Variants in CYP27C1 observed in about 807,000 individuals in gnomAD.
CYP27C1 encodes the protein cytochrome P450 family 27 subfamily C member 1, also known as cytochrome P450 27C1.
In CYP27C1, 29 loss-of-function variants were observed where a neutral mutation model predicts 40.6. That is an observed-to-expected ratio of 0.71 (90% CI 0.53 to 0.97). The LOEUF is 0.97. Ranked by LOEUF, CYP27C1 falls within the 50% of genes least tolerant of loss-of-function variation. The pLI is 0.00. For synonymous variants in CYP27C1, 198 were observed against 186.8 expected, an observed-to-expected ratio of 1.06 and a Z score of -0.49; for missense variants, 390 against 485.8, an observed-to-expected ratio of 0.80 and a Z score of 1.85.
chr2:127,195,631 G>T lies in CYP27C1; in HGVS notation c.1048-130C>A, dbSNP rs1022848873. 2.4e-5 allele frequency: 19 copies of T among 792,592 alleles called. No individual in the cohort carries two copies. Among genetic ancestry groups the T allele is most frequent in the Non-Finnish European group, 3.3e-5 (17 of 510,060 alleles). The allele number at this position is 792,592 out of a possible 1,614,324, so 49.1% of individuals were successfully genotyped here. ...AGTCAAACTCATCCAATTCCATATAGCACCTAATGTCTTACTAAAAACGAA... is the reference window on the plus strand; with the variant it reads ...AGTCAAACTCATCCAATTCCATATATCACCTAATGTCTTACTAAAAACGAA... On this transcript the variant is annotated intron_variant, in intron 5 of 8. Coordinates refer to ENST00000664447, the MANE Select transcript of CYP27C1 (RefSeq NM_001367502.1). The surrounding 1 kb of genome is among the most constrained non-coding windows in gnomAD (Gnocchi z 6.2).
chr2:127,204,561 GAAA>G (rs1683169694), intron 2 of CYP27C1, among the ~76,000 whole-genome samples: 2 of 56,060 alleles, frequency 3.6e-5, no homozygotes, highest in African/African-American at 9.0e-5. Context: ...GAGAGAGAAA[GAAA>G]GAAAGAAAGA....
At chr2:127,217,853 C>T (rs1434075876) in intron 1 of CYP27C1, among the ~76,000 whole-genome samples, 2 of 152,012 alleles carry the variant, frequency 1.3e-5, no homozygotes, top group South Asian at 2.1e-4. Context: ...ACCTGGAGAG[C>T]GGGAAGAGAG....
Position 127,201,066 on chromosome 2 carries a change from C to A in CYP27C1, c.883+56G>T. On this transcript the variant is annotated intron_variant, in intron 4 of 8. Coordinates refer to ENST00000664447, the MANE Select transcript of CYP27C1 (RefSeq NM_001367502.1). This position sits in a 1 kb window ranked among gnomAD's most constrained non-coding sequence, Gnocchi z 6.0. ...CCATTGTCTGGATGAGAGTTAGACA[C>A]ACAACACGGCAGGTCAACCTGCTTC... 1.9e-6 allele frequency: 3 copies of A among 1,542,374 alleles called. No homozygotes were observed. The highest frequency in any genetic ancestry group is 2.7e-6 in the Non-Finnish European group (3 of 1,121,250).
chr2:127,184,397 GT>G lies in CYP27C1; in HGVS notation c.*2873del, dbSNP rs569029835. On this transcript the variant is annotated 3_prime_UTR_variant, in exon 9 of 9. Transcript: ENST00000664447. ...CTGTAACAGTTCTCCTCTCCCCTTG[GT>G]TTTTTTTTTGCTTTTTGGTTTTTGT... 39 of 144,366 alleles carry G rather than the reference GT, an allele frequency of 2.7e-4. No individual in the cohort carries two copies. Among genetic ancestry groups the G allele is most frequent in the Admixed American group, 1.3e-3 (19 of 14,462 alleles). The allele number at this position is 144,366 out of a possible 1,614,324, so 8.9% of individuals were successfully genotyped here.
chr2:127,202,992 C>A (rs1467578111), intron 3 of CYP27C1, among the ~76,000 whole-genome samples: 1 of 152,020 alleles, frequency 6.6e-6, no homozygotes, highest in East Asian at 1.9e-4. Flanking sequence ...CATGGTGAAA[C>A]ACTGTCTCTA....
In CYP27C1 at chr2:127,210,123, C is replaced by T. The variant is rs947211293; in HGVS notation, c.283-4033G>A. Among the ~76,000 whole-genome samples, 8 of 152,268 alleles carry T rather than the reference C, an allele frequency of 5.3e-5. No individual in the cohort carries two copies. In the South Asian group the frequency reaches 1.7e-3, roughly 32 times the overall value. Reference sequence around the variant, plus strand: ...GTTAAGAGCAGCCACAGAGGAAGGCCAGGTCACCTACAAAGGGAAGCCCAT... The same window carrying T: ...GTTAAGAGCAGCCACAGAGGAAGGCTAGGTCACCTACAAAGGGAAGCCCAT... On this transcript the variant is annotated intron_variant, in intron 1 of 8. Coordinates refer to ENST00000664447, the MANE Select transcript of CYP27C1 (RefSeq NM_001367502.1).
At chr2:127,199,605 C>G (rs1558928891) in intron 4 of CYP27C1, 66 bp from the exon 5 acceptor site, 6 of 1,493,490 alleles carry the variant, frequency 4.0e-6, no homozygotes, top group Middle Eastern at 1.7e-4. Context: ...AGTCTCAAAG[C>G]CCTCTGTCCT....
At position 127,201,324 on chromosome 2, in the gene CYP27C1, G is replaced by C. The variant is rs773778523; in HGVS notation, c.681C>G (p.Ala227=). 1 of 1,613,780 alleles carries C rather than the reference G, an allele frequency of 6.2e-7. No individual in the cohort carries two copies. The highest frequency in any genetic ancestry group is 1.1e-5 in the South Asian group (1 of 91,062). ...CCAAACGACTCTCATAAAGGATGGTGGCCACTCCTAGACAGGAAAGAGAAT... is the reference window on the plus strand; with the variant it reads ...CCAAACGACTCTCATAAAGGATGGTCGCCACTCCTAGACAGGAAAGAGAAT... The part of the protein sequence containing the change: ...LFFKYSMEGV[A]TILYESRLGC... Residue 227 remains alanine, a synonymous_variant, in exon 4 of 9, where the codon GCC becomes GCG. Transcript: ENST00000664447. The surrounding 1 kb of genome is among the most constrained non-coding windows in gnomAD (Gnocchi z 6.0).
chr2:127,204,454 AAGAAAGAAAGAAAGAAAGAAAG>A (rs1317499690), intron 2 of CYP27C1, among the ~76,000 whole-genome samples: 523 of 43,884 alleles, frequency 0.012, 21 homozygotes, highest in Non-Finnish European at 0.018. Flanking sequence ...GAAAGAAAGA[AAGAAAGAAAGAAAGAAAGAAAG>A]AAAGAAAGAA....
chr2:127,202,275 C>T (rs1683052651), intron 3 of CYP27C1, among the ~76,000 whole-genome samples: 1 of 152,122 alleles, frequency 6.6e-6, no homozygotes, highest in African/African-American at 2.4e-5. Flanking sequence ...CAGGTGCCCG[C>T]CACCATGGCC....
In CYP27C1 at chr2:127,218,676, A is replaced by G. The variant is rs1351682838; in HGVS notation, c.282+1313T>C. Among the ~76,000 whole-genome samples, 1 of 152,220 alleles carries G rather than the reference A, an allele frequency of 6.6e-6. No homozygotes were observed. Among genetic ancestry groups the G allele is most frequent in the Non-Finnish European group, 1.5e-5 (1 of 68,038 alleles). On this transcript the variant is annotated intron_variant, in intron 1 of 8. Coordinates refer to ENST00000664447, the MANE Select transcript of CYP27C1 (RefSeq NM_001367502.1). This position sits in a 1 kb window ranked among gnomAD's most constrained non-coding sequence, Gnocchi z 6.0. ...TGGAACGAATGAATGACTGAAGCCC[A>G]GGTGGGTAGTTAGAAGAGGCTTCGA...
rs150945515 is a variant in CYP27C1 at position 127,204,253 on chromosome 2, G to A, written c.474-682C>T. 9.6e-3 allele frequency among the ~76,000 whole-genome samples: 1,306 copies of A among 135,506 alleles called. 24 individuals carry two copies. The highest frequency in any genetic ancestry group is 0.034 in the African/African-American group (1,239 of 36,284). 88.9% of individuals were successfully genotyped at this position (135,506 alleles called of 152,430 possible). ...TGCACTCCAGCCTAGGCGACAGAGCGAAACTCCATCTCAAAAAAAAAAGAA... is the reference window on the plus strand; with the variant it reads ...TGCACTCCAGCCTAGGCGACAGAGCAAAACTCCATCTCAAAAAAAAAAGAA... On this transcript the variant is annotated intron_variant, in intron 2 of 8. Coordinates refer to ENST00000664447, the MANE Select transcript of CYP27C1 (RefSeq NM_001367502.1).
chr2:127,192,044 C>T (rs1192060830), intron 8 of CYP27C1, among the ~76,000 whole-genome samples: 1 of 152,204 alleles, frequency 6.6e-6, no homozygotes, highest in African/African-American at 2.4e-5. Flanking sequence ...TCTACCCCTC[C>T]TCCCAGCCAA....
chr2:127,200,962 C>CA lies in CYP27C1; in HGVS notation c.883+159dup, dbSNP rs139162819. ...TGGGCGACAGAGCCAGACTCCGTCT[C>CA]AAAAAAAAAAAAAATCCAAAAGTTA... On this transcript the variant is annotated intron_variant, in intron 4 of 8. Coordinates refer to ENST00000664447, the MANE Select transcript of CYP27C1 (RefSeq NM_001367502.1). The surrounding 1 kb of genome is among the most constrained non-coding windows in gnomAD (Gnocchi z 4.2). Among the ~76,000 whole-genome samples, 5,565 of 138,478 alleles carry CA rather than the reference C, an allele frequency of 0.04. 133 individuals are homozygous for CA. Among genetic ancestry groups the CA allele is most frequent in the Middle Eastern group, 0.059 (16 of 272 alleles). 90.8% of individuals were successfully genotyped at this position (138,478 alleles called of 152,430 possible).
At chr2:127,199,055 C>T (rs143207578) in intron 5 of CYP27C1, among the ~76,000 whole-genome samples, 1 of 152,126 alleles carries the variant, frequency 6.6e-6, no homozygotes, top group Non-Finnish European at 1.5e-5. Flanking sequence ...GAGGCCAAGG[C>T]GGGTGGATCA....
chr2:127,204,590 A>G (rs189775700), intron 2 of CYP27C1, among the ~76,000 whole-genome samples: 1 of 93,992 alleles, frequency 1.1e-5, no homozygotes, highest in African/African-American at 4.7e-5. Context: ...AGAAAGAAAG[A>G]AAGAAAGAAA....
At chr2:127,192,489 A>G (rs544756371) in intron 8 of CYP27C1, among the ~76,000 whole-genome samples, 2 of 152,348 alleles carry the variant, frequency 1.3e-5, no homozygotes, top group South Asian at 4.1e-4. Flanking sequence ...TTCACATGTA[A>G]GGTGTTCTGT....
rs1200270675 is a variant in CYP27C1, at chr2:127,220,103, TC to T, written c.167del (p.Gly56GlufsTer59). On this transcript the variant is annotated frameshift_variant, in exon 1 of 9. Coordinates refer to ENST00000664447, the MANE Select transcript of CYP27C1 (RefSeq NM_001367502.1). LOFTEE classifies it high-confidence loss of function. This position sits in a 1 kb window ranked among gnomAD's most constrained non-coding sequence, Gnocchi z 4.6. ...KGAGRPGSPP[G>X]GGRAEGPRSL... is the part of the protein sequence containing the mutation. ...TCCGGGGACCCTCGGCTCGGCCCCC[TC>T]CCGGCGGCGACCCCGGCCGCCCGGC... is the stretch of plus-strand genomic sequence containing the variant. The T allele has an allele frequency of 6.7e-6, 1 of 149,864 alleles. No individual in the cohort carries two copies. Among genetic ancestry groups the T allele is most frequent in the Non-Finnish European group, 1.5e-5 (1 of 67,458 alleles). 9.3% of individuals were successfully genotyped at this position (149,864 alleles called of 1,614,324 possible).
rs1461778160 is a variant in CYP27C1 at position 127,187,291 on chromosome 2, G to A, written c.1594C>T (p.Arg532Ter). 1.2e-6 allele frequency: 2 copies of A among 1,614,076 alleles called. No homozygotes were observed. Among genetic ancestry groups the A allele is most frequent in the South Asian group, 1.1e-5 (1 of 91,076 alleles). The change falls in exon 9 of 9, where the codon CGA becomes TGA. Residue 532 changes from arginine to a stop codon, truncating the protein, a stop_gained. Transcript: ENST00000664447. LOFTEE classifies it high-confidence loss of function. ...LLTPGGPIHV[R>*]FVNRK Reference sequence around the variant, plus strand: ...TAGGCTTACTTTCTGTTAACAAATCGCACGTGGATGGGCCCCCCTGGCGTC... The same window carrying A: ...TAGGCTTACTTTCTGTTAACAAATCACACGTGGATGGGCCCCCCTGGCGTC...
Sources: allele counts gnomAD v4.1 joint callset (sites outside exome capture counted in the v4.1 genomes callset), GRCh38; gene constraint gnomAD v4.1.1; non-coding constraint Gnocchi (gnomAD v3.1); transcripts MANE v1.5; gene names NCBI Gene and HGNC (gene_info 2026-07-23, HGNC 2026-07-21).